Variants in FAM193A observed in about 807,000 individuals in gnomAD.
FAM193A encodes protein FAM193A.
A neutral mutation model predicts 126.5 loss-of-function variants in FAM193A; 22 were observed. That is an observed-to-expected ratio of 0.17 (90% CI 0.12 to 0.25). The LOEUF is 0.25. Among genes scored for constraint, FAM193A ranks in the 10% least tolerant of loss-of-function variants. The pLI is 1.00. For missense variants in FAM193A, 1,675 were observed against 1,672.8 expected (o/e 1.00, Z -0.02); for synonymous variants, 761 against 646.8 (o/e 1.18, Z -2.68).
intron 2 of FAM193A, among the ~76,000 whole-genome samples, chr4:2,609,120 G>A (rs188726994): frequency 2.0e-5 from 3 of 151,958 alleles, no homozygotes; most frequent in South Asian, 4.2e-4. Flanking sequence ...TCCCAGTCTT[G>A]TGACCTTGTG....
intron 7 of FAM193A, among the ~76,000 whole-genome samples, chr4:2,652,687 C>G (rs1182291191): frequency 6.6e-6 from 1 of 152,212 alleles, no homozygotes; most frequent in Admixed American, 6.5e-5. Context: ...CAGGCCCCAT[C>G]TCCAACAATG....
At chr4:2,705,988 T>A (rs1032788045) in intron 19 of FAM193A, among the ~76,000 whole-genome samples, 8 of 152,108 alleles carry the variant, frequency 5.3e-5, no homozygotes, top group Admixed American at 3.3e-4. Flanking sequence ...GGAGGATCAT[T>A]CGAGCCCAGG....
At chr4:2,565,172 C>T (rs556751281) in intron 1 of FAM193A, among the ~76,000 whole-genome samples, 12 of 149,848 alleles carry the variant, frequency 8.0e-5, no homozygotes, top group African/African-American at 1.7e-4. Context: ...TTTGATGAGA[C>T]GCAAGCTTGT....
At chr4:2,562,366 C>T (rs145473255) in intron 1 of FAM193A, among the ~76,000 whole-genome samples, 6 of 152,168 alleles carry the variant, frequency 3.9e-5, no homozygotes, top group South Asian at 2.1e-4. Flanking sequence ...GCAGAAGGAT[C>T]GCTTGAGCTT....
upstream of FAM193A, among the ~76,000 whole-genome samples, chr4:2,536,280 C>G (rs1464478404): frequency 6.6e-6 from 1 of 151,616 alleles, no homozygotes; most frequent in African/African-American, 2.4e-5. Context: ...TAGCCCTACG[C>G]CCGACCACAA....
rs147799792 is a variant in FAM193A at position 2,700,396 on chromosome 4, C to T, written c.4224C>T (p.Asp1408=). The change falls in exon 19 of 21, where the codon GAC becomes GAT. Residue 1408 remains aspartate (D), a synonymous_variant. Coordinates refer to ENST00000637812, the MANE Select transcript of FAM193A (RefSeq NM_001366318.2). Reference sequence around the variant, plus strand: ...AAAAGCAGCTGAACCACATCAAGGACGAAAAGTCAAACCCAACCCCTATGG... The same window carrying T: ...AAAAGCAGCTGAACCACATCAAGGATGAAAAGTCAAACCCAACCCCTATGG... ...NNKKQLNHIK[D]EKSNPTPMEP... is the part of the protein sequence containing the mutation. 29 of 1,614,042 alleles carry T rather than the reference C, an allele frequency of 1.8e-5. No individual in the cohort carries two copies. In the African/African-American group the frequency reaches 2.0e-4, roughly 11 times the overall value.
intron 2 of FAM193A, among the ~76,000 whole-genome samples, chr4:2,613,404 G>T (rs1293290642): frequency 7.0e-6 from 1 of 143,662 alleles, no homozygotes; most frequent in Admixed American, 7.0e-5. Context: ...TTGGATATTG[G>T]CCATGTGTAC....
At chr4:2,559,114 C>T (rs927930278) in intron 1 of FAM193A, among the ~76,000 whole-genome samples, 6 of 152,142 alleles carry the variant, frequency 3.9e-5, no homozygotes, top group African/African-American at 1.2e-4. Flanking sequence ...AATTAAATAC[C>T]GCTGCACAAA....
intron 19 of FAM193A, among the ~76,000 whole-genome samples, chr4:2,705,590 C>A (rs1718211007): frequency 6.6e-6 from 1 of 150,688 alleles, no homozygotes; most frequent in Non-Finnish European, 1.5e-5. Context: ...ATTATTTATT[C>A]TTTTTTTTGG....
At chr4:2,655,230 T>A (rs1577146663) in intron 7 of FAM193A, 3 of 497,922 alleles carry the variant, frequency 6.0e-6, no homozygotes, top group Non-Finnish European at 1.1e-5. Context: ...ATTTAGGCTA[T>A]CATTTAAAAA....
At chr4:2,568,128 G>T (rs981498253) in intron 1 of FAM193A, among the ~76,000 whole-genome samples, 5 of 152,094 alleles carry the variant, frequency 3.3e-5, no homozygotes, top group Non-Finnish European at 7.3e-5. Flanking sequence ...AACTTCTCTA[G>T]TGATACTTTA....
chr4:2,624,696 A>T (rs957035841), intron 2 of FAM193A, among the ~76,000 whole-genome samples: 2 of 152,188 alleles, frequency 1.3e-5, no homozygotes, highest in African/African-American at 4.8e-5. Context: ...ATATAAATTA[A>T]TTTTTAAACT....
intron 1 of FAM193A, among the ~76,000 whole-genome samples, chr4:2,566,086 C>T (rs1238838231): frequency 4.7e-5 from 7 of 149,860 alleles, no homozygotes; most frequent in South Asian, 4.2e-4. Flanking sequence ...CTCGCTCTGT[C>T]GCCCAGACTG....
At chr4:2,590,500 A>AAC (rs1740498235) in intron 1 of FAM193A, among the ~76,000 whole-genome samples, 4 of 40,956 alleles carry the variant, frequency 9.8e-5, no homozygotes, top group Non-Finnish European at 1.7e-4. Flanking sequence ...AAAAAACAAA[A>AAC]AAAAACAAAA....
intron 16 of FAM193A, 107 bp from the exon 17 acceptor site, chr4:2,694,839 C>T (rs1716850594): frequency 3.1e-6 from 3 of 957,562 alleles, no homozygotes; most frequent in Non-Finnish European, 4.6e-6. Context: ...CTCTGCGCTG[C>T]CTCTTGTCTG....
At chr4:2,610,672 A>G (rs538279637) in intron 2 of FAM193A, among the ~76,000 whole-genome samples, 3 of 152,310 alleles carry the variant, frequency 2.0e-5, no homozygotes, top group East Asian at 3.9e-4. Context: ...CCATTCATCA[A>G]TAGAGAGACG....
chr4:2,704,586 T>A (rs1718101435), intron 19 of FAM193A, among the ~76,000 whole-genome samples: 1 of 151,960 alleles, frequency 6.6e-6, no homozygotes, highest in African/African-American at 2.4e-5. Flanking sequence ...AAATAAAAAT[T>A]TTTAAAAAGG....
intron 20 of FAM193A, among the ~76,000 whole-genome samples, chr4:2,722,374 A>C (rs576037124): frequency 6.6e-6 from 1 of 152,174 alleles, no homozygotes; most frequent in African/African-American, 2.4e-5. Flanking sequence ...CCCATGCTGC[A>C]AGAACCTGTG....
intron 13 of FAM193A, among the ~76,000 whole-genome samples, chr4:2,688,479 G>A (rs957698509): frequency 1.1e-4 from 17 of 152,004 alleles, no homozygotes; most frequent in African/African-American, 4.1e-4. Flanking sequence ...CACAGCACAA[G>A]CAGAACTTAG....
Sources: gnomAD v4.1 joint callset for allele counts (sites outside exome capture counted in the v4.1 genomes callset) on GRCh38, gnomAD v4.1.1 for gene constraint, MANE v1.5 for transcripts, NCBI Gene and HGNC (gene_info 2026-07-23, HGNC 2026-07-21) for gene names.